Variants in ACOT7 observed in about 807,000 individuals in gnomAD.
The protein encoded by ACOT7 is cytosolic acyl coenzyme A thioester hydrolase.
In ACOT7, 12 loss-of-function variants were observed where a neutral mutation model predicts 40.2. The observed-to-expected ratio is 0.30, with a 90% CI of 0.19 to 0.48. ACOT7 has a LOEUF of 0.48. Ranked by LOEUF, ACOT7 falls within the 20% of genes least tolerant of loss-of-function variation. The pLI is 0.99. For missense variants in ACOT7, 395 were observed against 530.8 expected, an observed-to-expected ratio of 0.74 and a Z score of 2.51; for synonymous variants, 228 against 219.5, an observed-to-expected ratio of 1.04 and a Z score of -0.34.
chr1:6,297,851 G>A (rs1639854868), intron 6 of ACOT7, among the ~76,000 whole-genome samples: 1 of 152,036 alleles, frequency 6.6e-6, no homozygotes, highest in Non-Finnish European at 1.5e-5. Flanking sequence ...GGTGCTGGGA[G>A]ACGAATACCC....
intron 2 of ACOT7, among the ~76,000 whole-genome samples, chr1:6,346,486 A>G (rs187071822): frequency 2.0e-5 from 3 of 152,342 alleles, no homozygotes; most frequent in Admixed American, 1.3e-4. Context: ...GTCCGAGAAG[A>G]AGCAGAAAAG....
In ACOT7 at chr1:6,299,610, A is replaced by G. The variant is rs1639909031; in HGVS notation, c.713-4630T>C. ...AGAGGGCAGAGAGGCCCACCCGGCC[A>G]CCTCCTGACTAGGTACTAGGTCATG... On this transcript the variant is annotated intron_variant, in intron 6 of 8. Transcript: ENST00000361521. The surrounding 1 kb of genome is among the most constrained non-coding windows in gnomAD (Gnocchi z 4.1). 6.6e-6 allele frequency among the ~76,000 whole-genome samples: 1 copy of G among 151,428 alleles called. No individual in the cohort carries two copies. The highest frequency in any genetic ancestry group is 2.4e-5 in the African/African-American group (1 of 41,086).
At chr1:6,264,869 G>A (rs1035061099) in intron 8 of ACOT7, among the ~76,000 whole-genome samples, 174 bp from the exon 9 acceptor site, 3 of 152,142 alleles carry the variant, frequency 2.0e-5, no homozygotes, top group African/African-American at 7.2e-5. Flanking sequence ...GGTAGCCCAG[G>A]CATGGGGCTC....
rs551158208 is a variant in ACOT7, at chr1:6,289,480, C to A, written c.829+5384G>T. ...GGCGGCACAATCACGGCTCACACTG[C>A]AGCCTCTGCCTCCTGGGCTCATGTG... is the stretch of plus-strand genomic sequence containing the variant. On this transcript the variant is annotated intron_variant, in intron 7 of 8. Coordinates refer to ENST00000361521, the MANE Select transcript of ACOT7 (RefSeq NM_007274.4). The surrounding 1 kb of genome is among the most constrained non-coding windows in gnomAD (Gnocchi z 4.6). Among the ~76,000 whole-genome samples, 2 of 152,140 alleles carry A rather than the reference C, an allele frequency of 1.3e-5. No individual in the cohort carries two copies. Among genetic ancestry groups the A allele is most frequent in the Admixed American group, 6.6e-5 (1 of 15,266 alleles).
chr1:6,389,774 C>CAA (rs33955440), intron 1 of ACOT7, among the ~76,000 whole-genome samples: 44 of 91,094 alleles, frequency 4.8e-4, no homozygotes, highest in African/African-American at 1.4e-3. Context: ...GACTCCCTCT[C>CAA]AAAAAAAAAA....
intron 1 of ACOT7, among the ~76,000 whole-genome samples, chr1:6,360,163 C>T (rs533698508): frequency 7.9e-5 from 12 of 152,366 alleles, no homozygotes; most frequent in Middle Eastern, 3.4e-3. Flanking sequence ...AAACCCCACA[C>T]GCACTGGGTC....
chr1:6,375,535 C>T (rs985548916), intron 1 of ACOT7, among the ~76,000 whole-genome samples: 2 of 151,988 alleles, frequency 1.3e-5, no homozygotes, highest in African/African-American at 4.8e-5. Context: ...CCTGCAATCC[C>T]TGCTTGGAGA....
intron 1 of ACOT7, among the ~76,000 whole-genome samples, chr1:6,373,986 T>C (rs1353251586): frequency 6.6e-6 from 1 of 152,234 alleles, no homozygotes; most frequent in Non-Finnish European, 1.5e-5. Flanking sequence ...ATTATTCCTG[T>C]ATAACTCTGT....
intron 7 of ACOT7, among the ~76,000 whole-genome samples, chr1:6,285,977 G>A (rs3789503): frequency 0.14 from 22,037 of 152,176 alleles, 2,870 homozygotes; most frequent in African/African-American, 0.34. Flanking sequence ...AGGGGAGAGA[G>A]CCTCAAATCC....
At chr1:6,283,149 T>C (rs1317974018) in intron 7 of ACOT7, among the ~76,000 whole-genome samples, 2 of 152,190 alleles carry the variant, frequency 1.3e-5, no homozygotes, top group African/African-American at 4.8e-5. Flanking sequence ...GCTCTTAGTT[T>C]TGAGGAGCAA....
intron 2 of ACOT7, 44 bp downstream of exon 2, chr1:6,349,705 G>C (rs754263561): frequency 2.8e-5 from 44 of 1,568,548 alleles, no homozygotes; most frequent in Non-Finnish European, 3.6e-5. Context: ...AACTCACACT[G>C]GTGCGGCCTC....
At chr1:6,332,582 G>A (rs796542109) in intron 4 of ACOT7, among the ~76,000 whole-genome samples, 59 of 152,250 alleles carry the variant, frequency 3.9e-4, no homozygotes, top group African/African-American at 1.3e-3. Flanking sequence ...TTGGGAGGCC[G>A]AGGTGGGTGG....
chr1:6,393,570 G>C lies in ACOT7; in HGVS notation c.-171C>G, dbSNP rs1390989658. The C allele has an allele frequency of 2.0e-6, 1 of 511,904 alleles. No individual in the cohort carries two copies. The highest frequency in any genetic ancestry group is 2.0e-5 in the African/African-American group (1 of 49,586). The allele number at this position is 511,904 out of a possible 1,614,324, so 31.7% of individuals were successfully genotyped here. ...AGAGCTCGCGCGGGCGTACGATTCT[G>C]GCGGCGTGGGGGCCCAGGCAGCCGC... On this transcript the variant is annotated 5_prime_UTR_variant, in exon 1 of 9. Transcript: ENST00000361521.
At chr1:6,381,120 A>G (rs1263722197) in intron 1 of ACOT7, among the ~76,000 whole-genome samples, 1 of 151,898 alleles carries the variant, frequency 6.6e-6, no homozygotes, top group Non-Finnish European at 1.5e-5. Context: ...GTCAAAAACA[A>G]TAGAAGCAAA....
chr1:6,358,819 G>C lies in ACOT7; in HGVS notation c.144-8953C>G. The C allele has an allele frequency of 6.2e-7, 1 of 1,613,602 alleles. No individual in the cohort carries two copies. The highest frequency in any genetic ancestry group is 8.5e-7 in the Non-Finnish European group (1 of 1,179,518). ...CACGGCCTAGACATGCCCATGACTG[G>C]CAGTACCTGCTCAGCTGGAAAGCCA... On this transcript the variant is annotated intron_variant, in intron 1 of 8. Coordinates refer to ENST00000361521, the MANE Select transcript of ACOT7 (RefSeq NM_007274.4). The surrounding 1 kb of genome is among the most constrained non-coding windows in gnomAD (Gnocchi z 4.1).
chr1:6,324,377 G>A (rs1640742371), intron 5 of ACOT7, among the ~76,000 whole-genome samples: 1 of 152,158 alleles, frequency 6.6e-6, no homozygotes, highest in African/African-American at 2.4e-5. Context: ...TCAGGAAATC[G>A]AGATTCAGGA....
At chr1:6,304,983 G>A (rs1205436427) in intron 6 of ACOT7, among the ~76,000 whole-genome samples, 4 of 147,992 alleles carry the variant, frequency 2.7e-5, no homozygotes, top group Non-Finnish European at 6.0e-5. Context: ...GGGCAGAGGC[G>A]CCCCTCACCT....
intron 6 of ACOT7, among the ~76,000 whole-genome samples, chr1:6,298,169 CTG>C (rs1639865371): frequency 6.6e-6 from 1 of 152,138 alleles, no homozygotes; most frequent in African/African-American, 2.4e-5. Flanking sequence ...GAGTCTCTCT[CTG>C]TCACCCAGGC....
chr1:6,269,356 C>T (rs941697514), intron 8 of ACOT7, among the ~76,000 whole-genome samples: 4 of 152,246 alleles, frequency 2.6e-5, no homozygotes, highest in Admixed American at 1.3e-4. Context: ...TCACCCCGGC[C>T]CTCGGCACAG....
Sources: allele counts gnomAD v4.1 joint callset (sites outside exome capture counted in the v4.1 genomes callset), GRCh38; gene constraint gnomAD v4.1.1; non-coding constraint Gnocchi (gnomAD v3.1); transcripts MANE v1.5; gene names NCBI Gene and HGNC (gene_info 2026-07-23, HGNC 2026-07-21).